CPNE8: variants seen among roughly 807,000 people sequenced by gnomAD.
The protein encoded by CPNE8 is copine-8.
In CPNE8, 45 loss-of-function variants were observed where a neutral mutation model predicts 81.5. The ratio of observed to expected loss-of-function variants is 0.55; its 90% CI spans 0.44 to 0.71. The LOEUF is 0.71. Among genes scored for constraint, CPNE8 ranks in the 30% least tolerant of loss-of-function variants. The pLI, the probability that CPNE8 is intolerant of heterozygous loss-of-function variation, is 0.00. For synonymous variants in CPNE8, 252 were observed against 226.3 expected (o/e 1.11, Z -1.02); for missense variants, 594 against 672.1 (o/e 0.88, Z 1.28).
intron 19 of CPNE8, among the ~76,000 whole-genome samples, chr12:38,663,905 T>A (rs1289410653): frequency 6.6e-6 from 1 of 152,050 alleles, no homozygotes; most frequent in African/African-American, 2.4e-5. Flanking sequence ...CTCCCTCATA[T>A]GTGTAAGCTA....
intron 7 of CPNE8, among the ~76,000 whole-genome samples, chr12:38,768,873 C>T (rs894110543): frequency 3.3e-5 from 5 of 152,006 alleles, no homozygotes; most frequent in African/African-American, 1.2e-4. Flanking sequence ...CAAAGTAACT[C>T]AGATTAAACA....
intron 3 of CPNE8, among the ~76,000 whole-genome samples, chr12:38,855,671 T>C (rs959480445): frequency 1.8e-4 from 28 of 152,130 alleles, no homozygotes; most frequent in East Asian, 5.8e-4. Context: ...AAAAAGTGAC[T>C]ATAATAATAA....
At chr12:38,777,966 T>C (rs1042475702) in intron 6 of CPNE8, among the ~76,000 whole-genome samples, 1 of 152,174 alleles carries the variant, frequency 6.6e-6, no homozygotes, top group Non-Finnish European at 1.5e-5. Flanking sequence ...GGACCTAAGT[T>C]GCATATGCTT....
At position 38,652,525 on chromosome 12, in the gene CPNE8, C is replaced by G. The variant is rs1446665620; in HGVS notation, c.*1357G>C. The G allele has an allele frequency of 1.3e-5, 2 of 152,228 alleles. No homozygotes were observed. Among genetic ancestry groups the G allele is most frequent in the African/African-American group, 4.8e-5 (2 of 41,302 alleles). The allele number at this position is 152,228 out of a possible 1,614,324, so 9.4% of individuals were successfully genotyped here. On this transcript the variant is annotated 3_prime_UTR_variant, in exon 20 of 20. Transcript: ENST00000331366. ...AACTTGGGACAAAGAAAACAATGTA[C>G]AGTAGAAATAAACCAAGTATTAAAT...
chr12:38,708,880 T>C (rs151109363), intron 13 of CPNE8, among the ~76,000 whole-genome samples: 143 of 152,342 alleles, frequency 9.4e-4, no homozygotes, highest in African/African-American at 3.4e-3. Context: ...AACAAAACTG[T>C]GATAGGGATG....
intron 4 of CPNE8, among the ~76,000 whole-genome samples, chr12:38,841,804 C>T (rs977703989): frequency 6.6e-6 from 1 of 152,074 alleles, no homozygotes; most frequent in Non-Finnish European, 1.5e-5. Flanking sequence ...AGAGCTTTTT[C>T]TGTCTTTATC....
rs558926645 is a variant in CPNE8, at chr12:38,658,723, G to C, written c.1507-4653C>G. On this transcript the variant is annotated intron_variant, in intron 19 of 19. Coordinates refer to ENST00000331366, the MANE Select transcript of CPNE8 (RefSeq NM_153634.3). ...CTCTCAGCAGAAACCCTACAAGCCA[G>C]AAGAGAGTGGGGACCAATATTCAAC... 4.6e-4 allele frequency among the ~76,000 whole-genome samples: 70 copies of C among 152,308 alleles called. 1 individual carries two copies. The highest frequency in any genetic ancestry group is 6.8e-3 in the Middle Eastern group (2 of 294).
At position 38,879,727 on chromosome 12, in the gene CPNE8, G is replaced by A. The variant is rs17126731; in HGVS notation, c.99-5216C>T. ...TCCACAGATGAAATTTGAAAAAGAC[G>A]ACCTGTGTGTGAATTTTAAAGTTAA... On this transcript the variant is annotated intron_variant, in intron 1 of 19. Coordinates refer to ENST00000331366, the MANE Select transcript of CPNE8 (RefSeq NM_153634.3). 1.4e-3 allele frequency among the ~76,000 whole-genome samples: 216 copies of A among 152,018 alleles called. 1 individual carries two copies. The highest frequency in any genetic ancestry group is 4.9e-3 in the African/African-American group (204 of 41,500).
intron 6 of CPNE8, among the ~76,000 whole-genome samples, chr12:38,807,315 C>G (rs1321860524): frequency 6.8e-6 from 1 of 147,372 alleles, no homozygotes; most frequent in Non-Finnish European, 1.5e-5. Context: ...GCCAAAAGAA[C>G]AAAGCTGGAG....
intron 16 of CPNE8, 94 bp from the exon 17 acceptor site, chr12:38,677,648 C>T (rs1939321307): frequency 1.4e-6 from 1 of 721,432 alleles, no homozygotes; most frequent in African/African-American, 1.8e-5. Context: ...ACATTTTAAT[C>T]TCAATAAAAT....
At chr12:38,872,443 T>C (rs1944007313) in intron 3 of CPNE8, among the ~76,000 whole-genome samples, 1 of 152,224 alleles carries the variant, frequency 6.6e-6, no homozygotes, top group Non-Finnish European at 1.5e-5. Flanking sequence ...TGGAAATGCC[T>C]TTTATTTAAT....
intron 11 of CPNE8, among the ~76,000 whole-genome samples, chr12:38,725,344 T>G (rs1565585413): frequency 6.6e-6 from 1 of 152,218 alleles, no homozygotes; most frequent in South Asian, 2.1e-4. Flanking sequence ...TTTATAATGT[T>G]AGTAATTTCC....
intron 18 of CPNE8, among the ~76,000 whole-genome samples, chr12:38,672,411 G>C (rs1380217736): frequency 6.6e-6 from 1 of 152,192 alleles, no homozygotes; most frequent in Admixed American, 6.5e-5. Context: ...AGCAAGAAGA[G>C]AGATGGTGTG....
intron 1 of CPNE8, among the ~76,000 whole-genome samples, chr12:38,880,879 G>A (rs1301776897): frequency 6.6e-6 from 1 of 151,848 alleles, no homozygotes; most frequent in African/African-American, 2.4e-5. Context: ...ATAGCAAGGG[G>A]AGCCAAACTG....
intron 4 of CPNE8, among the ~76,000 whole-genome samples, chr12:38,841,813 T>G (rs1336736436): frequency 1.3e-5 from 2 of 152,104 alleles, no homozygotes; most frequent in Non-Finnish European, 2.9e-5. Flanking sequence ...TCTGTCTTTA[T>G]CAAAATAGTC....
intron 6 of CPNE8, among the ~76,000 whole-genome samples, chr12:38,800,103 C>A (rs898741049): frequency 4.5e-5 from 6 of 132,602 alleles, no homozygotes; most frequent in African/African-American, 1.6e-4. Context: ...ATTGCCCAGG[C>A]TTGCTTAGGT....
intron 5 of CPNE8, among the ~76,000 whole-genome samples, chr12:38,836,541 G>GAA (rs539943493): frequency 6.7e-6 from 1 of 149,686 alleles, no homozygotes; most frequent in African/African-American, 2.5e-5. Context: ...AAAGAGAATG[G>GAA]AAAAAAAAAA....
At chr12:38,801,865 C>G (rs1362931176) in intron 6 of CPNE8, among the ~76,000 whole-genome samples, 1 of 96,144 alleles carries the variant, frequency 1.0e-5, no homozygotes, top group Non-Finnish European at 2.1e-5. Context: ...ATCCTAGTCT[C>G]TGATAAAACA....
intron 6 of CPNE8, among the ~76,000 whole-genome samples, chr12:38,812,318 A>G (rs1403667583): frequency 6.6e-6 from 1 of 152,206 alleles, no homozygotes; most frequent in African/African-American, 2.4e-5. Context: ...TAATAAAGAC[A>G]TACCTGAGAC....
Sources: gnomAD v4.1 joint callset for allele counts (sites outside exome capture counted in the v4.1 genomes callset) on GRCh38, gnomAD v4.1.1 for gene constraint, MANE v1.5 for transcripts, NCBI Gene and HGNC (gene_info 2026-07-23, HGNC 2026-07-21) for gene names.